Variants in RELN observed in about 807,000 individuals in gnomAD.
The protein encoded by RELN is reelin.
A neutral mutation model predicts 427.6 loss-of-function variants in RELN; 108 were observed. The ratio of observed to expected loss-of-function variants is 0.25; its 90% confidence interval spans 0.22 to 0.30. The LOEUF (loss-of-function observed/expected upper bound fraction) is 0.30. RELN is among the 10% of genes least tolerant of loss of function. RELN has a pLI of 1.00. For missense variants in RELN, 3,715 were observed against 4,302.8 expected (o/e 0.86, Z 3.82); for synonymous variants, 1,524 against 1,513.4 (o/e 1.01, Z -0.16).
chr7:103,887,804 G>T (rs1794757782), intron 2 of RELN, among the ~76,000 whole-genome samples: 1 of 152,092 alleles, frequency 6.6e-6, no homozygotes, highest in South Asian at 2.1e-4. Flanking sequence ...TGGGTAGTAG[G>T]ATTTAATGAA....
chr7:103,881,719 T>G (rs928104074), intron 2 of RELN, among the ~76,000 whole-genome samples: 2 of 152,176 alleles, frequency 1.3e-5, no homozygotes, highest in African/African-American at 4.8e-5. Context: ...AGTAACGTCA[T>G]CTCGGATGTT....
At chr7:103,686,314 C>T (rs1027765941) in intron 10 of RELN, among the ~76,000 whole-genome samples, 5 of 152,090 alleles carry the variant, frequency 3.3e-5, no homozygotes, top group Non-Finnish European at 5.9e-5. Flanking sequence ...GATAGCCAAG[C>T]TGGCTGGTGG....
At chr7:103,871,403 T>C (rs1191336022) in intron 2 of RELN, among the ~76,000 whole-genome samples, 1 of 152,164 alleles carries the variant, frequency 6.6e-6, no homozygotes, top group African/African-American at 2.4e-5. Context: ...CTTATCATAC[T>C]GTTTTCAGTA....
At position 103,974,401 on chromosome 7, in the gene RELN, C is replaced by A. The variant is rs149831021; in HGVS notation, c.226+14730G>T. Among the ~76,000 whole-genome samples the A allele has an allele frequency of 3.9e-4, 59 of 152,286 alleles. No homozygotes were observed. In the East Asian group the frequency reaches 0.011, roughly 28 times the overall value. The stretch of plus-strand genomic sequence containing the variant: ...TGAGCCTGTGGGCTATCCACTACCA[C>A]AAATCCCTGAGAGTTAAGCCATCTC... On this transcript the variant is annotated intron_variant, in intron 1 of 64. Transcript: ENST00000428762.
chr7:103,731,207 G>C (rs1037630302), intron 6 of RELN, among the ~76,000 whole-genome samples: 6 of 152,052 alleles, frequency 3.9e-5, no homozygotes, highest in Non-Finnish European at 7.4e-5. Flanking sequence ...GATGGTCCCG[G>C]AACTGGTCCT....
At chr7:103,485,694 A>G (rs1162159989) in intron 61 of RELN, among the ~76,000 whole-genome samples, 1 of 152,168 alleles carries the variant, frequency 6.6e-6, no homozygotes, top group Non-Finnish European at 1.5e-5. Flanking sequence ...ATTAACCCTC[A>G]GCAATTTAAC....
At chr7:103,637,210 A>G (rs900434601) in intron 17 of RELN, among the ~76,000 whole-genome samples, 5 of 152,242 alleles carry the variant, frequency 3.3e-5, no homozygotes, top group African/African-American at 1.2e-4. Flanking sequence ...CAATGGAAAC[A>G]TCTACGTTTT....
chr7:103,898,196 G>C (rs1223682471), intron 2 of RELN, among the ~76,000 whole-genome samples: 1 of 151,870 alleles, frequency 6.6e-6, no homozygotes, highest in Non-Finnish European at 1.5e-5. Flanking sequence ...GTGGATATGG[G>C]TGTGTAGGTA....
intron 48 of RELN, among the ~76,000 whole-genome samples, chr7:103,521,624 T>G (rs1301550050): frequency 6.6e-6 from 1 of 152,238 alleles, no homozygotes; most frequent in African/African-American, 2.4e-5. Context: ...GATGGAAGAT[T>G]GCACAAGTGC....
At chr7:103,477,152 T>C (rs1008603381) in intron 64 of RELN, among the ~76,000 whole-genome samples, 2 of 152,204 alleles carry the variant, frequency 1.3e-5, no homozygotes, top group Non-Finnish European at 2.9e-5. Flanking sequence ...GGGACTTAGA[T>C]GGCATATAGA....
chr7:103,745,095 G>A (rs892665311), intron 6 of RELN, among the ~76,000 whole-genome samples: 14 of 152,302 alleles, frequency 9.2e-5, no homozygotes, highest in South Asian at 2.1e-4. Flanking sequence ...TCCCTGGGAT[G>A]CAAGGCTGGT....
At chr7:103,661,843 T>G (rs1833150912) in intron 11 of RELN, among the ~76,000 whole-genome samples, 1 of 152,292 alleles carries the variant, frequency 6.6e-6, no homozygotes, top group East Asian at 1.9e-4. Context: ...TTTAAGTACT[T>G]ATAGTTGAGT....
intron 1 of RELN, among the ~76,000 whole-genome samples, chr7:103,922,277 A>C (rs1286972505): frequency 1.1e-4 from 16 of 152,110 alleles, no homozygotes. Flanking sequence ...GTCTAAGAAA[A>C]TTTTAGTTGG....
intron 16 of RELN, among the ~76,000 whole-genome samples, chr7:103,649,991 G>A (rs938925614): frequency 6.6e-6 from 1 of 151,408 alleles, no homozygotes; most frequent in African/African-American, 2.4e-5. Flanking sequence ...GATATCCCTT[G>A]TCATCAACTG....
intron 20 of RELN, among the ~76,000 whole-genome samples, chr7:103,615,592 T>C (rs187777979): frequency 6.6e-6 from 1 of 152,270 alleles, no homozygotes; most frequent in African/African-American, 2.4e-5. Context: ...TGGGAGACCA[T>C]CAGGGATCCT....
intron 3 of RELN, among the ~76,000 whole-genome samples, chr7:103,779,327 A>G (rs1049863550): frequency 2.0e-5 from 3 of 152,218 alleles, no homozygotes; most frequent in African/African-American, 4.8e-5. Context: ...CCATGTGCTC[A>G]ATGACATTAT....
chr7:103,906,732 TA>T (rs1412602897), intron 2 of RELN, among the ~76,000 whole-genome samples: 5 of 152,180 alleles, frequency 3.3e-5, no homozygotes, highest in African/African-American at 1.2e-4. Context: ...TGGTTTAAAC[TA>T]AGGCCAAAAG....
chr7:103,876,634 T>C (rs971341581), intron 2 of RELN, among the ~76,000 whole-genome samples: 2 of 152,198 alleles, frequency 1.3e-5, no homozygotes, highest in Non-Finnish European at 2.9e-5. Flanking sequence ...TTGCACTGTG[T>C]GAACATGTGA....
intron 1 of RELN, among the ~76,000 whole-genome samples, chr7:103,958,043 C>T (rs1796471302): frequency 6.6e-6 from 1 of 152,196 alleles, no homozygotes; most frequent in South Asian, 2.1e-4. Context: ...TCTCTTTACA[C>T]TACCTGCACC....
Sources: gnomAD v4.1 joint callset for allele counts (sites outside exome capture counted in the v4.1 genomes callset) on GRCh38, gnomAD v4.1.1 for gene constraint, MANE v1.5 for transcripts, NCBI Gene and HGNC (gene_info 2026-07-23, HGNC 2026-07-21) for gene names.